MAGEC3: variants seen among roughly 807,000 people sequenced by gnomAD.
MAGEC3 encodes MAGE family member C3, also known as melanoma-associated antigen C3.
MAGEC3 carries 34 observed loss-of-function variants against 35.3 expected under a neutral mutation model. The observed-to-expected ratio is 0.96, with a 90% CI of 0.73 to 1.28. The LOEUF (loss-of-function observed/expected upper bound fraction) is 1.28. MAGEC3 is among the 50% of genes most tolerant of loss of function. MAGEC3 has a pLI of 0.00. For missense variants in MAGEC3, 561 were observed against 483.6 expected, an observed-to-expected ratio of 1.16 and a Z score of -1.50; for synonymous variants, 202 against 185.6, an observed-to-expected ratio of 1.09 and a Z score of -0.72.
rs781575911 is a variant in MAGEC3, at chrX:141,865,567, C to T, written c.220C>T (p.Arg74Ter). 35 of 1,206,039 alleles carry T rather than the reference C, an allele frequency of 2.9e-5. No homozygotes were observed. The South Asian group carries it at 5.0e-4, about 17-fold the overall frequency. The change falls in exon 2 of 8, where the codon CGA becomes TGA. Residue 74 changes from arginine to a stop codon, truncating the protein, a stop_gained. Transcript: ENST00000298296. LOFTEE classifies it high-confidence loss of function. The stretch of plus-strand genomic sequence containing the variant: ...TCTGAGGGGTGGAACTTCAGATCAG[C>T]GAATGGATAGTCTTGTCCTCTGCCC... ...LFLRGGTSDQ[R>*]MDSLVLCPTY...
intron 1 of MAGEC3, chrX:141,838,954 A>C (rs1355521595): frequency 1.7e-6 from 1 of 578,954 alleles, no homozygotes; most frequent in Non-Finnish European, 2.1e-6. Context: ...CTTAAGTCTC[A>C]AGAAGTGTGA....
intron 1 of MAGEC3, among the ~76,000 whole-genome samples, chrX:141,853,810 C>T (rs747643978): frequency 4.1e-4 from 46 of 110,846 alleles, no homozygotes; most frequent in African/African-American, 1.5e-3. Flanking sequence ...TTAATTGAAC[C>T]CCCTCTTATG....
rs2018110169 is a variant in MAGEC3 at position 141,897,348 on chromosome X, C to A, written c.1590C>A (p.Asp530Glu). ...CCTATTTCTTTGAAGACACATTAGA[C>A]CTCACCTATGAGGGAAGCCTGATTG... ...NHSYFFEDTL[D>E]LTYEGSLIDD... Residue 530 changes from aspartate (D) to glutamate (E), a missense_variant, in exon 7 of 8, where the codon GAC becomes GAA. Physicochemically the swap from Asp to Glu is conservative, Grantham distance 45. Transcript: ENST00000298296. 1 of 1,210,237 alleles carries A rather than the reference C, an allele frequency of 8.3e-7. No homozygotes were observed. Among genetic ancestry groups the A allele is most frequent in the Admixed American group, 2.2e-5 (1 of 45,833 alleles).
chrX:141,896,808 C>T, intron 6 of MAGEC3, 74 bp from the exon 7 acceptor site: 1 of 1,205,324 alleles, frequency 8.3e-7, no homozygotes, highest in Non-Finnish European at 1.1e-6. Flanking sequence ...TTTTATTCCC[C>T]TCCTCCTCTT....
intron 1 of MAGEC3, 101 bp downstream of exon 1, chrX:141,838,539 A>C: frequency 9.1e-7 from 1 of 1,103,152 alleles, no homozygotes. Flanking sequence ...GACAGTGTGC[A>C]GTCTGTTGGG....
Position 141,838,558 on chromosome X carries a change from T to C in MAGEC3, c.123+120T>C, listed in dbSNP as rs748499979. Reference sequence around the variant, plus strand: ...GTGTGCAGTCTGTTGGGGGTGAGGCTCTAAGATGCTATCTTGCCCAGCCTT... The same window carrying C: ...GTGTGCAGTCTGTTGGGGGTGAGGCCCTAAGATGCTATCTTGCCCAGCCTT... On this transcript the variant is annotated intron_variant, in intron 1 of 7. Coordinates refer to ENST00000298296, the MANE Select transcript of MAGEC3 (RefSeq NM_138702.1). 4.5e-5 allele frequency: 48 copies of C among 1,061,908 alleles called. No individual in the cohort carries two copies. In the African/African-American group the frequency reaches 4.6e-4, roughly 10 times the overall value. 87.5% of individuals were successfully genotyped at this position (1,061,908 alleles called of 1,213,427 possible). A position where few individuals can be genotyped will look rare whatever the true frequency, so the allele number is the denominator to read the frequency against.
intron 2 of MAGEC3, among the ~76,000 whole-genome samples, chrX:141,868,279 G>A (rs2017864005): frequency 9.0e-6 from 1 of 111,404 alleles, no homozygotes; most frequent in African/African-American, 3.3e-5. Flanking sequence ...CTTTTTCTGG[G>A]CTGTTAGGGG....
intron 1 of MAGEC3, among the ~76,000 whole-genome samples, chrX:141,861,874 C>G (rs2124097180): frequency 8.9e-6 from 1 of 111,793 alleles, no homozygotes; most frequent in African/African-American, 3.2e-5. Flanking sequence ...TTGGTCCAGG[C>G]AAAGATTGTA....
chrX:141,896,472 G>T (rs1602634674), intron 6 of MAGEC3: 3 of 1,163,998 alleles, frequency 2.6e-6, no homozygotes, highest in East Asian at 5.9e-5. Flanking sequence ...GGCGACCTGT[G>T]AGGCCCTAGA....
chrX:141,894,890 G>A, intron 4 of MAGEC3: 1 of 840,560 alleles, frequency 1.2e-6, no homozygotes, highest in South Asian at 2.7e-5. Context: ...GCAAGAAGGG[G>A]TGGGAGGGGG....
intron 1 of MAGEC3, chrX:141,839,825 T>A (rs759557453): frequency 1.8e-6 from 1 of 545,689 alleles, no homozygotes; most frequent in African/African-American, 2.6e-5. Flanking sequence ...ATATTGTTGG[T>A]TGTCATAATT....
At chrX:141,894,744 G>A (rs1443312994) in intron 4 of MAGEC3, 35 of 969,952 alleles carry the variant, frequency 3.6e-5, no homozygotes, top group Non-Finnish European at 4.5e-5. Flanking sequence ...CGGAGGGAAG[G>A]CCCAGGCGTC....
At chrX:141,895,940 C>T (rs1484415752) in intron 6 of MAGEC3, among the ~76,000 whole-genome samples, 5 of 111,775 alleles carry the variant, frequency 4.5e-5, no homozygotes, top group South Asian at 3.8e-4. Context: ...GAGGTGGCTG[C>T]CACCTCGCTA....
At chrX:141,893,452 G>A (rs749046639) in intron 4 of MAGEC3, among the ~76,000 whole-genome samples, 33 of 110,621 alleles carry the variant, frequency 3.0e-4, no homozygotes, top group Middle Eastern at 9.3e-3. Context: ...TTAAAATGGT[G>A]TAACAAGTCT....
At chrX:141,895,750 G>A (rs1467369484) in intron 6 of MAGEC3, among the ~76,000 whole-genome samples, 191 bp downstream of exon 6, 1 of 103,006 alleles carries the variant, frequency 9.7e-6, no homozygotes, top group Admixed American at 1.0e-4. Context: ...GGGAGGGGTG[G>A]AGGGGAAGGG....
intron 1 of MAGEC3, among the ~76,000 whole-genome samples, chrX:141,857,327 C>CT (rs1441152348): frequency 9.0e-6 from 1 of 111,204 alleles, no homozygotes; most frequent in Non-Finnish European, 1.9e-5. Context: ...ATCAAAGCTG[C>CT]TTTTTTACTG....
At chrX:141,869,336 AC>A (rs892592710) in intron 2 of MAGEC3, among the ~76,000 whole-genome samples, 1 of 112,054 alleles carries the variant, frequency 8.9e-6, no homozygotes, top group African/African-American at 3.2e-5. Flanking sequence ...AAGAATACTT[AC>A]AACTAGTTTT....
intron 3 of MAGEC3, 59 bp downstream of exon 3, chrX:141,879,490 C>T (rs1013343954): frequency 4.4e-5 from 48 of 1,091,610 alleles, no homozygotes; most frequent in African/African-American, 2.7e-4. Context: ...GGAGGGATAC[C>T]GAGAGGTGGG....
At chrX:141,882,836 A>G (rs974867340) in intron 4 of MAGEC3, among the ~76,000 whole-genome samples, 2 of 111,849 alleles carry the variant, frequency 1.8e-5, no homozygotes, top group East Asian at 5.7e-4. Context: ...CTCTACAATC[A>G]TAAGTTTCAA....
Sources: gnomAD v4.1 joint callset for allele counts (sites outside exome capture counted in the v4.1 genomes callset) on GRCh38, gnomAD v4.1.1 for gene constraint, MANE v1.5 for transcripts, NCBI Gene and HGNC (gene_info 2026-07-23, HGNC 2026-07-21) for gene names.